The following GCFC2 variants were observed in gnomAD, a reference collection of about 807,000 sequenced individuals.
GCFC2 encodes GC-rich sequence DNA-binding factor 2, also known as intron Large complex component GCFC2.
In GCFC2, 102 loss-of-function variants were observed where a neutral mutation model predicts 99.4. The ratio of observed to expected loss-of-function variants is 1.03; its 90% CI spans 0.87 to 1.21. The LOEUF is 1.21. GCFC2 is among the 50% of genes most tolerant of loss of function. GCFC2 has a pLI of 0.00. For missense variants in GCFC2, 973 were observed against 920.9 expected, an observed-to-expected ratio of 1.06 and a Z score of -0.73; for synonymous variants, 338 against 316.8, an observed-to-expected ratio of 1.07 and a Z score of -0.71.
chr2:75,692,173 A>C (rs1428914129), intron 6 of GCFC2, 73 bp from the exon 7 acceptor site: 4 of 399,186 alleles, frequency 1.0e-5, no homozygotes, highest in African/African-American at 6.3e-5. Context: ...ATATATATAA[A>C]AGTAATATTT....
chr2:75,711,253 G>A, upstream of GCFC2: 1 of 977,608 alleles, frequency 1.0e-6, no homozygotes, highest in Non-Finnish European at 1.2e-6. Flanking sequence ...TTACTTTCTG[G>A]AGAGAGTGCC....
chr2:75,680,897 G>A (rs974285908), intron 11 of GCFC2, among the ~76,000 whole-genome samples: 2 of 152,132 alleles, frequency 1.3e-5, no homozygotes, highest in Admixed American at 6.5e-5. Context: ...CATCTGTGCC[G>A]ATATGCTCTA....
intron 11 of GCFC2, among the ~76,000 whole-genome samples, chr2:75,680,937 C>T (rs983631089): frequency 6.6e-6 from 1 of 152,294 alleles, no homozygotes; most frequent in Middle Eastern, 3.4e-3. Context: ...GGATGAGGCA[C>T]CCACACTCCC....
intron 15 of GCFC2, among the ~76,000 whole-genome samples, chr2:75,666,807 G>C (rs902374963): frequency 2.0e-5 from 3 of 152,022 alleles, no homozygotes; most frequent in Admixed American, 2.0e-4. Context: ...TTCCCGGAGA[G>C]AACAAAGTAT....
At chr2:75,670,086 C>T in intron 15 of GCFC2, 52 bp downstream of exon 15, 1 of 1,276,080 alleles carries the variant, frequency 7.8e-7, no homozygotes, top group Non-Finnish European at 1.1e-6. Flanking sequence ...ATTTTAATAG[C>T]TAAATTTTTT....
At chr2:75,697,234 A>C (rs1441172411) in intron 4 of GCFC2, among the ~76,000 whole-genome samples, 1 of 152,190 alleles carries the variant, frequency 6.6e-6, no homozygotes, top group African/African-American at 2.4e-5. Flanking sequence ...AAGAACCTCT[A>C]TTTTACACAA....
chr2:75,674,819 A>T (rs956144650), intron 12 of GCFC2, among the ~76,000 whole-genome samples: 25 of 152,276 alleles, frequency 1.6e-4, no homozygotes, highest in Non-Finnish European at 7.4e-5. Context: ...CCACTTAATT[A>T]TCTATAACAT....
At position 75,681,788 on chromosome 2, in the gene GCFC2, A is replaced by G. The variant is rs79107606; in HGVS notation, c.1691-1474T>C. ...GGGTGTCCGCCACTGCTGAGGCTTCAGTAGCCGGTTTATGCCTCACAGTGT... is the reference window on the plus strand; with the variant it reads ...GGGTGTCCGCCACTGCTGAGGCTTCGGTAGCCGGTTTATGCCTCACAGTGT... On this transcript the variant is annotated intron_variant, in intron 11 of 16. Transcript: ENST00000321027. Among the ~76,000 whole-genome samples the G allele has an allele frequency of 5.4e-3, 826 of 152,010 alleles. 30 individuals are homozygous for G. Among genetic ancestry groups the G allele is most frequent in the African/African-American group, 0.018 (763 of 41,262 alleles).
At chr2:75,705,107 G>A (rs1325686388) in intron 2 of GCFC2, among the ~76,000 whole-genome samples, 1 of 152,098 alleles carries the variant, frequency 6.6e-6, no homozygotes, top group Non-Finnish European at 1.5e-5. Context: ...TGTGACTAGT[G>A]GCTACCATAT....
At chr2:75,702,544 ATG>A in intron 2 of GCFC2, 121 bp from the exon 3 acceptor site, 1 of 713,530 alleles carries the variant, frequency 1.4e-6, no homozygotes, top group South Asian at 2.0e-5. Context: ...TGATATATGA[ATG>A]TGACTTTAAT....
chr2:75,709,360 A>G (rs979073725), intron 1 of GCFC2, among the ~76,000 whole-genome samples: 1 of 152,236 alleles, frequency 6.6e-6, no homozygotes, highest in African/African-American at 2.4e-5. Context: ...AAGGTCATGA[A>G]AACTTTAGAC....
intron 11 of GCFC2, among the ~76,000 whole-genome samples, chr2:75,680,564 A>C (rs1056229330): frequency 2.6e-5 from 4 of 152,160 alleles, no homozygotes; most frequent in Non-Finnish European, 5.9e-5. Flanking sequence ...CTCTGCCTGC[A>C]ACCATGCAGA....
Position 75,710,346 on chromosome 2 carries a change from G to C in GCFC2, c.265+245C>G, listed in dbSNP as rs551090401. ...AGTCAACTGATGGTGAAAACGAAGA[G>C]CCTCCCAACTGTACACGATTGTTTT... On this transcript the variant is annotated intron_variant, in intron 1 of 16. Transcript: ENST00000321027. 36 of 814,560 alleles carry C rather than the reference G, an allele frequency of 4.4e-5. No homozygotes were observed. In the East Asian group the frequency reaches 9.2e-4, roughly 21 times the overall value. 50.5% of individuals were successfully genotyped at this position (814,560 alleles called of 1,614,324 possible).
intron 1 of GCFC2, among the ~76,000 whole-genome samples, chr2:75,708,040 G>A (rs1680950608): frequency 6.6e-6 from 1 of 152,168 alleles, no homozygotes; most frequent in Non-Finnish European, 1.5e-5. Context: ...CTGCCTTAAG[G>A]AAAAGCATTT....
chr2:75,710,902 G>A lies in GCFC2; in HGVS notation c.-47C>T, dbSNP rs373881633. 6 of 1,469,818 alleles carry A rather than the reference G, an allele frequency of 4.1e-6. No homozygotes were observed. The African/African-American group carries it at 5.9e-5, about 14-fold the overall frequency. 91.0% of individuals were successfully genotyped at this position (1,469,818 alleles called of 1,614,324 possible). A position where few individuals can be genotyped will look rare whatever the true frequency, so the allele number is the denominator to read the frequency against. ...CGCCCTAGAACCCGCTGAACCGCAAGCCGCAGCTTCAGTGCCCGCCCCCTA... is the reference window on the plus strand; with the variant it reads ...CGCCCTAGAACCCGCTGAACCGCAAACCGCAGCTTCAGTGCCCGCCCCCTA... On this transcript the variant is annotated 5_prime_UTR_variant, in exon 1 of 17. Transcript: ENST00000321027.
Position 75,700,273 on chromosome 2 carries a change from C to CA in GCFC2, c.717+916dup, listed in dbSNP as rs1407518372. Among the ~76,000 whole-genome samples the CA allele has an allele frequency of 8.6e-5, 13 of 151,954 alleles. 1 individual carries two copies. Among genetic ancestry groups the CA allele is most frequent in the Non-Finnish European group, 1.6e-4 (11 of 68,008 alleles). ...ATCTTTTAAAAAATTAAATAAAACACAAAACTATTATTTGTGTATGCAGAA... is the reference window on the plus strand; with the variant it reads ...ATCTTTTAAAAAATTAAATAAAACACAAAAACTATTATTTGTGTATGCAGAA... On this transcript the variant is annotated intron_variant, in intron 4 of 16. Coordinates refer to ENST00000321027, the MANE Select transcript of GCFC2 (RefSeq NM_003203.5).
chr2:75,694,481 A>C (rs1412589452), intron 5 of GCFC2, 54 bp from the exon 6 acceptor site: 8 of 651,030 alleles, frequency 1.2e-5, no homozygotes, highest in Non-Finnish European at 1.9e-5. Flanking sequence ...TAAAAGTAGC[A>C]ATCTAATGTA....
Position 75,680,279 on chromosome 2 carries a change from AG to A in GCFC2, c.1725del (p.Ser576HisfsTer6), listed in dbSNP as rs1386468624. ...FVEFLWDPLSTSQTTSLITHC... is the reference protein window; with the variant it reads ...FVEFLWDPLSXSQTTSLITHC... Reference sequence around the variant, plus strand: ...TGTGTTATTAAACTTGTTGTCTGTGAGGTTGACAAAGGATCCCAAAGGAATT... The same window carrying A: ...TGTGTTATTAAACTTGTTGTCTGTGAGTTGACAAAGGATCCCAAAGGAATT... On this transcript the variant is annotated frameshift_variant, in exon 12 of 17. Coordinates refer to ENST00000321027, the MANE Select transcript of GCFC2 (RefSeq NM_003203.5). LOFTEE classifies it high-confidence loss of function. 5 of 1,607,598 alleles carry A rather than the reference AG, an allele frequency of 3.1e-6. No homozygotes were observed. Among genetic ancestry groups the A allele is most frequent in the African/African-American group, 1.3e-5 (1 of 74,796 alleles).
intron 5 of GCFC2, among the ~76,000 whole-genome samples, chr2:75,694,862 T>A (rs1306105335): frequency 6.6e-6 from 1 of 152,086 alleles, no homozygotes; most frequent in Admixed American, 6.5e-5. Flanking sequence ...AGTATACATG[T>A]GCTTATAAAG....
Sources: gnomAD v4.1 joint callset for allele counts (sites outside exome capture counted in the v4.1 genomes callset) on GRCh38, gnomAD v4.1.1 for gene constraint, MANE v1.5 for transcripts, NCBI Gene and HGNC (gene_info 2026-07-23, HGNC 2026-07-21) for gene names.